The following PDIA6 variants were observed in gnomAD, a reference collection of about 807,000 sequenced individuals.
The protein encoded by PDIA6 is protein disulfide-isomerase A6.
In PDIA6, 29 loss-of-function variants were observed where a neutral mutation model predicts 58.4. The ratio of observed to expected loss-of-function variants is 0.50; its 90% confidence interval spans 0.37 to 0.68. The LOEUF (loss-of-function observed/expected upper bound fraction) is 0.68, where lower values mean the gene tolerates loss of function less well. Ranked by LOEUF, PDIA6 falls within the 30% of genes least tolerant of loss-of-function variation. The probability of loss-of-function intolerance (pLI) is 0.00; values close to 1 mark genes in which losing one functional copy is unlikely to be tolerated. For missense variants in PDIA6, 480 were observed against 551.0 expected (o/e 0.87, Z 1.29); for synonymous variants, 192 against 202.6 (o/e 0.95, Z 0.44).
intron 1 of PDIA6, among the ~76,000 whole-genome samples, chr2:10,811,970 G>A (rs1667015457): frequency 6.6e-6 from 1 of 152,100 alleles, no homozygotes; most frequent in Non-Finnish European, 1.5e-5. Flanking sequence ...CTGGAGTGGC[G>A]CGATCTCGGC....
At position 10,804,492 on chromosome 2, in the gene PDIA6, C is replaced by T. The variant is rs1200557509; in HGVS notation, c.20-1852G>A. On this transcript the variant is annotated intron_variant, in intron 1 of 12. Coordinates refer to ENST00000272227, the MANE Select transcript of PDIA6 (RefSeq NM_005742.4). ...AGATCAGATAGTTGTAGACAGGCAG[C>T]GTTATTTCTGAGGGCTCTGTTCTGT... Among the ~76,000 whole-genome samples the T allele has an allele frequency of 1.0e-4, 11 of 106,838 alleles. 2 individuals are homozygous for T. Among genetic ancestry groups the T allele is most frequent in the Non-Finnish European group, 1.8e-4 (8 of 43,778 alleles). 70.1% of individuals were successfully genotyped at this position (106,838 alleles called of 152,430 possible).
At chr2:10,828,504 G>C (rs573436057) in intron 1 of PDIA6, among the ~76,000 whole-genome samples, 7 of 152,302 alleles carry the variant, frequency 4.6e-5, no homozygotes, top group African/African-American at 2.4e-5. Context: ...AGAGGAATGC[G>C]AGGGTCTGTC....
chr2:10,796,522 G>GA (rs1360458559), intron 4 of PDIA6, among the ~76,000 whole-genome samples: 2 of 148,970 alleles, frequency 1.3e-5, no homozygotes, highest in East Asian at 3.9e-4. Context: ...AAAAAGAAAA[G>GA]AAAAAAAGAA....
intron 1 of PDIA6, among the ~76,000 whole-genome samples, chr2:10,822,711 G>A (rs1023126182): frequency 1.3e-5 from 2 of 152,344 alleles, no homozygotes; most frequent in African/African-American, 4.8e-5. Flanking sequence ...CTTGGGATCG[G>A]TGCAGTAGCA....
At chr2:10,836,542 G>GA (rs1667835610), upstream of PDIA6, among the ~76,000 whole-genome samples, 2 of 126,710 alleles carry the variant, frequency 1.6e-5, no homozygotes, top group African/African-American at 3.1e-5. Flanking sequence ...ACTTTTGCAG[G>GA]CTTTTTTTTT....
intron 4 of PDIA6, 24 bp downstream of exon 4, chr2:10,797,057 G>T (rs1203015073): frequency 5.6e-6 from 9 of 1,608,798 alleles, no homozygotes; most frequent in South Asian, 1.1e-5. Flanking sequence ...CCAGGGGAAT[G>T]AAGTAGCTAG....
In PDIA6 at chr2:10,795,861, C is replaced by T. The variant is rs181909171; in HGVS notation, c.346+1220G>A. On this transcript the variant is annotated intron_variant, in intron 4 of 12. Coordinates refer to ENST00000272227, the MANE Select transcript of PDIA6 (RefSeq NM_005742.4). ...CTGCCACCCAACCCATGAGCTGATA[C>T]TGCTCACATAAAGCAAAACCTAAGA... Among the ~76,000 whole-genome samples the T allele has an allele frequency of 3.9e-5, 6 of 152,302 alleles. No individual in the cohort carries two copies. The East Asian group carries it at 1.2e-3, about 29-fold the overall frequency.
rs1424512969 is a variant in PDIA6, at chr2:10,837,564, T to A, written c.42A>T (p.Gly14=). The A allele has an allele frequency of 3.9e-6, 3 of 771,876 alleles. No homozygotes were observed. The South Asian group carries it at 4.4e-5, about 11-fold the overall frequency. The allele number at this position is 771,876 out of a possible 1,614,324, so 47.8% of individuals were successfully genotyped here. Residue 14 remains glycine, a synonymous_variant, in exon 1 of 14, where the codon GGA becomes GGT. Transcript: ENST00000404824. ...GTGCAAGTATCATCAACTCATTTGA[T>A]CCTCGGGACACTTTGGAGGCAGGGG...
chr2:10,796,306 G>A (rs1666265760), intron 4 of PDIA6, among the ~76,000 whole-genome samples: 1 of 152,000 alleles, frequency 6.6e-6, no homozygotes, highest in South Asian at 2.1e-4. Flanking sequence ...GCCCGTCTTG[G>A]CCTCCCAAAG....
chr2:10,834,693 A>G (rs1441740112), upstream of PDIA6, among the ~76,000 whole-genome samples: 2 of 111,732 alleles, frequency 1.8e-5, no homozygotes, highest in African/African-American at 6.1e-5. Flanking sequence ...GAGTGAACTA[A>G]TTTCTCTCCC....
intron 1 of PDIA6, chr2:10,821,187 A>C (rs973568853): frequency 3.8e-6 from 1 of 261,130 alleles, no homozygotes; most frequent in Non-Finnish European, 7.5e-6. Flanking sequence ...CTTACCTCTC[A>C]GTTGAAATTA....
At chr2:10,790,873 A>C in intron 6 of PDIA6, 40 bp from the exon 7 acceptor site, 3 of 1,482,232 alleles carry the variant, frequency 2.0e-6, no homozygotes, top group Non-Finnish European at 2.8e-6. Flanking sequence ...TCTTTGAGAC[A>C]CAGTCTCTCT....
intron 1 of PDIA6, among the ~76,000 whole-genome samples, chr2:10,803,571 G>A (rs1666604068): frequency 6.6e-6 from 1 of 152,204 alleles, no homozygotes; most frequent in Admixed American, 6.5e-5. Context: ...CGACTGTATT[G>A]CTGACCACAC....
intron 1 of PDIA6, among the ~76,000 whole-genome samples, chr2:10,824,285 G>GCT (rs1389178431): frequency 6.6e-6 from 1 of 152,146 alleles, no homozygotes; most frequent in African/African-American, 2.4e-5. Flanking sequence ...CTGTGCCCAA[G>GCT]GTTATGCCCC....
Position 10,789,907 on chromosome 2 carries a change from G to C in PDIA6, c.700-18C>G, listed in dbSNP as rs367802779. The C allele has an allele frequency of 1.2e-6, 2 of 1,605,400 alleles. No individual in the cohort carries two copies. The highest frequency in any genetic ancestry group is 8.5e-7 in the Non-Finnish European group (1 of 1,173,696). On this transcript the variant is annotated intron_variant, in intron 7 of 12. Coordinates refer to ENST00000272227, the MANE Select transcript of PDIA6 (RefSeq NM_005742.4). ...CCTCTAATCTATTAAAAAAAGGTCA[G>C]AGGATAAAATCCAATTAACACTTAA...
intron 1 of PDIA6, among the ~76,000 whole-genome samples, chr2:10,829,562 C>T (rs56344711): frequency 0.12 from 18,318 of 152,214 alleles, 1,438 homozygotes; most frequent in Non-Finnish European, 0.17. Context: ...AGATTAGAAA[C>T]AATTTTTCTG....
At chr2:10,802,738 T>C (rs941916412) in intron 1 of PDIA6, 98 bp from the exon 2 acceptor site, 5 of 947,940 alleles carry the variant, frequency 5.3e-6, no homozygotes, top group Non-Finnish European at 7.2e-6. Context: ...CCAGGGCCCT[T>C]CACACAGGAG....
intron 1 of PDIA6, among the ~76,000 whole-genome samples, chr2:10,831,997 A>G (rs931088348): frequency 1.4e-5 from 2 of 139,242 alleles, no homozygotes; most frequent in Non-Finnish European, 3.0e-5. Context: ...AGCCTGGGTG[A>G]CAGAGCAAGA....
chr2:10,822,034 G>A (rs369859102), intron 1 of PDIA6, among the ~76,000 whole-genome samples: 1 of 151,884 alleles, frequency 6.6e-6, no homozygotes, highest in African/African-American at 2.4e-5. Context: ...CAACCTCCTG[G>A]GCTCAAGTGA....
Sources: allele counts gnomAD v4.1 joint callset (sites outside exome capture counted in the v4.1 genomes callset), GRCh38; gene constraint gnomAD v4.1.1; transcripts MANE v1.5; gene names NCBI Gene and HGNC (gene_info 2026-07-23, HGNC 2026-07-21).